PHOX2A: variants seen among roughly 807,000 people sequenced by gnomAD.
PHOX2A encodes the protein paired mesoderm homeobox protein 2A.
In PHOX2A, 10 loss-of-function variants were observed where a neutral mutation model predicts 16.4. The observed-to-expected ratio is 0.61, with a 90% CI of 0.38 to 1.04. The LOEUF is 1.04. Ranked by LOEUF, PHOX2A falls within the 50% of genes least tolerant of loss-of-function variation. The probability of loss-of-function intolerance (pLI) is 0.01; values close to 1 mark genes in which losing one functional copy is unlikely to be tolerated. For missense variants in PHOX2A, 361 were observed against 419.4 expected (o/e 0.86, Z 1.22); for synonymous variants, 219 against 203.8 (o/e 1.07, Z -0.64).
At chr11:72,241,322 G>GGCC in intron 1 of PHOX2A, 33 bp from the exon 2 acceptor site, 5 of 626,590 alleles carry the variant, frequency 8.0e-6, no homozygotes, top group Non-Finnish European at 1.3e-5. Flanking sequence ...CGGGGGGGGG[G>GGCC]CAAAAAGGAT....
At chr11:72,243,678 G>C (rs1331935077) in intron 1 of PHOX2A, 110 bp downstream of exon 1, 1 of 555,460 alleles carries the variant, frequency 1.8e-6, no homozygotes, top group Non-Finnish European at 2.7e-6. Flanking sequence ...TGGAGGGTCT[G>C]GCCAAGGCAG....
At chr11:72,241,322 G>GGGGGGC in intron 1 of PHOX2A, 33 bp from the exon 2 acceptor site, 2 of 626,608 alleles carry the variant, frequency 3.2e-6, no homozygotes, top group Non-Finnish European at 5.3e-6. Context: ...CGGGGGGGGG[G>GGGGGGC]CAAAAAGGAT....
intron 1 of PHOX2A, among the ~76,000 whole-genome samples, chr11:72,242,993 C>A (rs1949134196): frequency 6.6e-6 from 1 of 152,106 alleles, no homozygotes; most frequent in Admixed American, 6.5e-5. Flanking sequence ...CTACTTGGGT[C>A]CCCGGCAGTC....
intron 1 of PHOX2A, among the ~76,000 whole-genome samples, chr11:72,242,829 T>TC (rs1409627127): frequency 6.6e-6 from 1 of 151,932 alleles, no homozygotes; most frequent in East Asian, 1.9e-4. Flanking sequence ...GCTAATTTTT[T>TC]TTTTTTTTTG....
chr11:72,243,741 G>A (rs1449277412), intron 1 of PHOX2A, 47 bp downstream of exon 1: 13 of 1,118,634 alleles, frequency 1.2e-5, no homozygotes, highest in South Asian at 3.8e-5. Context: ...GCGGGCCCAG[G>A]GATTCTGCAG....
In PHOX2A at chr11:72,240,145, G is replaced by C. The variant is rs1445202690; in HGVS notation, c.459C>G (p.Ser153Arg). The C allele has an allele frequency of 1.3e-6, 2 of 1,534,628 alleles. No individual in the cohort carries two copies. Among genetic ancestry groups the C allele is most frequent in the African/African-American group, 2.7e-5 (2 of 72,792 alleles). The change falls in exon 3 of 3, where the codon AGC becomes AGG. Residue 153 changes from serine to arginine, a missense_variant. Coordinates refer to ENST00000298231, the MANE Select transcript of PHOX2A (RefSeq NM_005169.4). ...AKFRKQERAA[S>R]AKGAAGAAGA... ...CCGCCGCGCCCGCCGCGCCCTTGGC[G>C]CTGGCCGCGCGCTCCTGTTTGCGGA... is the stretch of plus-strand genomic sequence containing the variant.
intron 1 of PHOX2A, 23 bp from the exon 2 acceptor site, chr11:72,241,312 C>CGG (rs373067213): frequency 0.015 from 6,040 of 400,774 alleles, 112 homozygotes; most frequent in African/African-American, 0.1. Flanking sequence ...GCAGGGGGGC[C>CGG]GGGGGGGGGG....
At position 72,240,300 on chromosome 11, in the gene PHOX2A, G is replaced by A. The variant is rs887888382; in HGVS notation, c.406-102C>T. On this transcript the variant is annotated intron_variant, in intron 2 of 2. Coordinates refer to ENST00000298231, the MANE Select transcript of PHOX2A (RefSeq NM_005169.4). The stretch of plus-strand genomic sequence containing the variant: ...GTGAGATCCTGGTTCGGAAAGAACC[G>A]GGCCCGGGTTCTTACTAGTTGGAGG... 5 of 1,458,662 alleles carry A rather than the reference G, an allele frequency of 3.4e-6. 1 individual carries two copies. The African/African-American group carries it at 5.8e-5, about 17-fold the overall frequency. The allele number at this position is 1,458,662 out of a possible 1,614,324, so 90.4% of individuals were successfully genotyped here. A position where few individuals can be genotyped will look rare whatever the true frequency, so the allele number is the denominator to read the frequency against.
In PHOX2A at chr11:72,239,865, C is replaced by T; in HGVS notation, c.739G>A (p.Ala247Thr). The T allele has an allele frequency of 1.5e-6, 2 of 1,375,274 alleles. No individual in the cohort carries two copies. Among genetic ancestry groups the T allele is most frequent in the South Asian group, 1.8e-5 (1 of 56,370 alleles). 85.2% of individuals were successfully genotyped at this position (1,375,274 alleles called of 1,614,324 possible). A position where few individuals can be genotyped will look rare whatever the true frequency, so the allele number is the denominator to read the frequency against. Reference protein sequence around the residue: ...GGGGGGPGAGAAELLKAWQPA... With the variant: ...GGGGGGPGAGTAELLKAWQPA... ...TGCCAAGCCTTAAGTAGTTCGGCCG[C>T]TCCCGCGCCAGGCCCGCCGCCCCCA... The change falls in exon 3 of 3, where the codon GCG (alanine) becomes ACG (threonine). Residue 247 changes from alanine (A) to threonine (T), a missense_variant. Ala to Thr is a moderately conservative substitution (Grantham distance 58). Transcript: ENST00000298231.
chr11:72,241,201 G>C lies in PHOX2A; in HGVS notation c.306C>G (p.Leu102=). 6.2e-7 allele frequency: 1 copy of C among 1,613,902 alleles called. No individual in the cohort carries two copies. The highest frequency in any genetic ancestry group is 8.5e-7 in the Non-Finnish European group (1 of 1,180,002). ...CAGCGAAAACGCGCTCCAGCTCCTT[G>C]AGCTGCGCGCTGGTGAACGTGGTGC... ...RIRTTFTSAQ[L]KELERVFAET... The change falls in exon 2 of 3, where the codon CTC becomes CTG. Residue 102 remains leucine, a synonymous_variant. Coordinates refer to ENST00000298231, the MANE Select transcript of PHOX2A (RefSeq NM_005169.4).
intron 1 of PHOX2A, among the ~76,000 whole-genome samples, chr11:72,242,997 G>C (rs541246104): frequency 3.3e-5 from 5 of 152,068 alleles, no homozygotes; most frequent in Admixed American, 6.5e-5. Context: ...TTGGGTCCCC[G>C]GCAGTCTTCC....
At chr11:72,240,693 G>A (rs890956445) in intron 2 of PHOX2A, among the ~76,000 whole-genome samples, 2 of 152,182 alleles carry the variant, frequency 1.3e-5, no homozygotes, top group African/African-American at 4.8e-5. Flanking sequence ...CCCTGTGCCT[G>A]CCACAAACTC....
Position 72,239,626 on chromosome 11 carries a change from G to T in PHOX2A, c.*123C>A. 1.4e-6 allele frequency: 1 copy of T among 703,552 alleles called. No individual in the cohort carries two copies. The highest frequency in any genetic ancestry group is 2.0e-6 in the Non-Finnish European group (1 of 492,082). The allele number at this position is 703,552 out of a possible 1,614,324, so 43.6% of individuals were successfully genotyped here. ...TTGGGGAGGACACACCGAGGGGTGA[G>T]ACAGTAGGGAGTGGAGACGGATGGG... On this transcript the variant is annotated 3_prime_UTR_variant, in exon 3 of 3. Coordinates refer to ENST00000298231, the MANE Select transcript of PHOX2A (RefSeq NM_005169.4).
chr11:72,242,108 C>A (rs577344641), intron 1 of PHOX2A, among the ~76,000 whole-genome samples: 5 of 152,106 alleles, frequency 3.3e-5, no homozygotes, highest in South Asian at 4.2e-4. Flanking sequence ...TCCCCAGGCA[C>A]CTTCTCCATG....
chr11:72,240,392 T>C (rs1198384600), intron 2 of PHOX2A, among the ~76,000 whole-genome samples, 194 bp from the exon 3 acceptor site: 1 of 152,196 alleles, frequency 6.6e-6, no homozygotes, highest in Non-Finnish European at 1.5e-5. Context: ...TCCAGATCCC[T>C]GGGTTCTTGC....
intron 2 of PHOX2A, among the ~76,000 whole-genome samples, chr11:72,240,671 G>C (rs1284706480): frequency 6.6e-6 from 1 of 152,210 alleles, no homozygotes; most frequent in Non-Finnish European, 1.5e-5. Context: ...GCTCTAGCCC[G>C]GCTCTCTTCG....
intron 1 of PHOX2A, among the ~76,000 whole-genome samples, chr11:72,242,372 C>G (rs1040831594): frequency 2.6e-5 from 4 of 152,106 alleles, no homozygotes; most frequent in African/African-American, 9.7e-5. Context: ...CTTCTTTGGT[C>G]CCCATCGCCT....
rs1284011059 is a variant in PHOX2A at position 72,241,289 on chromosome 11, A to T, written c.218T>A (p.Val73Glu). The T allele has an allele frequency of 8.3e-6, 10 of 1,208,390 alleles. No individual in the cohort carries two copies. Among genetic ancestry groups the T allele is most frequent in the Non-Finnish European group, 1.1e-5 (10 of 904,148 alleles). The allele number at this position is 1,208,390 out of a possible 1,614,324, so 74.9% of individuals were successfully genotyped here. The stretch of plus-strand genomic sequence containing the variant: ...TGGCTCTGGGAAGAACTTGTAGGGC[A>T]CTGCGGGTGTGTGCAGGGGGGCCGG... ...RDHQPAPYSA[V>E]PYKFFPEPSG... is the part of the protein sequence containing the mutation. Residue 73 changes from valine to glutamate, a missense_variant and splice_region_variant, in exon 2 of 3, where the codon GTG becomes GAG. Coordinates refer to ENST00000298231, the MANE Select transcript of PHOX2A (RefSeq NM_005169.4).
At position 72,239,980 on chromosome 11, in the gene PHOX2A, G is replaced by T; in HGVS notation, c.624C>A (p.Ser208Arg). The T allele has an allele frequency of 7.4e-7, 1 of 1,349,104 alleles. No individual in the cohort carries two copies. Among genetic ancestry groups the T allele is most frequent in the Non-Finnish European group, 9.5e-7 (1 of 1,053,992 alleles). The allele number at this position is 1,349,104 out of a possible 1,614,324, so 83.6% of individuals were successfully genotyped here. Residue 208 changes from serine (S) to arginine (R), a missense_variant, in exon 3 of 3, where the codon AGC (serine) becomes AGA (arginine). Transcript: ENST00000298231. ...CGGAGCCCAGTGCGACGGGCAGCGG[G>T]CTGGGGCTCAGGCGCGGGCTGGCCA... ...PGLASPRLSP[S>R]PLPVALGSGP...
Sources: gnomAD v4.1 joint callset for allele counts (sites outside exome capture counted in the v4.1 genomes callset) on GRCh38, gnomAD v4.1.1 for gene constraint, MANE v1.5 for transcripts, NCBI Gene and HGNC (gene_info 2026-07-23, HGNC 2026-07-21) for gene names.